AATF: variants seen among roughly 807,000 people sequenced by gnomAD.
The protein encoded by AATF is apoptosis antagonizing transcription factor.
Under a neutral mutation model 63.7 loss-of-function variants are expected in AATF, and 48 were observed. The observed-to-expected ratio is 0.75, with a 90% CI of 0.60 to 0.96. The LOEUF is 0.96. Among genes scored for constraint, AATF ranks in the 40% least tolerant of loss-of-function variants. The pLI is 0.00. For synonymous variants in AATF, 258 were observed against 247.7 expected (o/e 1.04, Z -0.39); for missense variants, 639 against 685.7 (o/e 0.93, Z 0.76).
At chr17:36,969,464 C>T (rs1305776774) in intron 4 of AATF, among the ~76,000 whole-genome samples, 1 of 152,170 alleles carries the variant, frequency 6.6e-6, no homozygotes, top group African/African-American at 2.4e-5. Context: ...ATTTTAACTG[C>T]TCCACTTGTT....
chr17:36,953,072 T>C lies in AATF; in HGVS notation c.470T>C (p.Phe157Ser), dbSNP rs1378241739. Residue 157 changes from phenylalanine to serine, a missense_variant, in exon 3 of 12, where the codon TTT becomes TCT. Transcript: ENST00000619387. ...PGFSVQSISDFEKFTKGMDDL... is the reference protein window; with the variant it reads ...PGFSVQSISDSEKFTKGMDDL... ...TTCAGTGTCCAGAGTATCAGTGACT[T>C]TGAGAAATTTACCAAGGGAATGGAT... 1.2e-6 allele frequency: 2 copies of C among 1,613,718 alleles called. No individual in the cohort carries two copies. The highest frequency in any genetic ancestry group is 2.7e-5 in the African/African-American group (2 of 74,770).
chr17:37,037,103 G>A (rs943059547), intron 11 of AATF, among the ~76,000 whole-genome samples: 15 of 151,566 alleles, frequency 9.9e-5, no homozygotes, highest in Non-Finnish European at 1.9e-4. Context: ...CCGCCTCCTG[G>A]GTTCAAGTGA....
chr17:37,056,806 C>G lies in AATF; in HGVS notation c.*142C>G. The G allele has an allele frequency of 1.2e-6, 1 of 848,428 alleles. No homozygotes were observed. Among genetic ancestry groups the G allele is most frequent in the Non-Finnish European group, 1.8e-6 (1 of 551,426 alleles). 52.6% of individuals were successfully genotyped at this position (848,428 alleles called of 1,614,324 possible). A position where few individuals can be genotyped will look rare whatever the true frequency, so the allele number is the denominator to read the frequency against. ...GCGTTCCGAACCTGTGCCTAATACA[C>G]GCAAGGGCGCTGTCCCGCCCAACCC... On this transcript the variant is annotated 3_prime_UTR_variant, in exon 12 of 12. Transcript: ENST00000619387.
intron 11 of AATF, chr17:37,034,988 G>T (rs2071579573): frequency 6.6e-6 from 1 of 151,580 alleles, no homozygotes; most frequent in Non-Finnish European, 1.5e-5. Context: ...AGCCGGGCGT[G>T]GTGGTGGGCG....
At chr17:36,991,442 C>T (rs1166080973) in intron 8 of AATF, among the ~76,000 whole-genome samples, 3 of 152,090 alleles carry the variant, frequency 2.0e-5, no homozygotes, top group African/African-American at 4.8e-5. Context: ...TTTCAGACTC[C>T]CCCACTTCTT....
rs753257388 is a variant in AATF, at chr17:37,019,044, G to A, written c.1438G>A (p.Asp480Asn). The A allele has an allele frequency of 3.7e-6, 6 of 1,614,106 alleles. No individual in the cohort carries two copies. In the South Asian group the frequency reaches 6.6e-5, roughly 18 times the overall value. Reference protein sequence around the residue: ...ELIERKTSSLDPNDQVAMGRQ... With the variant: ...ELIERKTSSLNPNDQVAMGRQ... ...CATAGAACGGAAGACCAGCTCCTTGGATCCCAACGATCAGGTGGCCATGGG... is the reference window on the plus strand; with the variant it reads ...CATAGAACGGAAGACCAGCTCCTTGAATCCCAACGATCAGGTGGCCATGGG... The change falls in exon 9 of 12, where the codon GAT (aspartate) becomes AAT (asparagine). Residue 480 changes from aspartate (D) to asparagine (N), a missense_variant. Coordinates refer to ENST00000619387, the MANE Select transcript of AATF (RefSeq NM_012138.4).
intron 8 of AATF, among the ~76,000 whole-genome samples, chr17:37,001,499 C>T (rs2071298197): frequency 6.8e-6 from 1 of 147,758 alleles, no homozygotes; most frequent in Non-Finnish European, 1.5e-5. Flanking sequence ...ACACCATGAC[C>T]AAGAAGGATT....
intron 8 of AATF, among the ~76,000 whole-genome samples, chr17:36,997,153 T>C (rs1195974699): frequency 6.6e-6 from 1 of 152,198 alleles, no homozygotes; most frequent in East Asian, 1.9e-4. Flanking sequence ...GTATAGAGTT[T>C]GGCACTCCTC....
chr17:37,024,977 G>T (rs1484734096), intron 10 of AATF, among the ~76,000 whole-genome samples: 1 of 152,026 alleles, frequency 6.6e-6, no homozygotes, highest in Non-Finnish European at 1.5e-5. Context: ...AAAGATAATT[G>T]TAGGAGATTT....
At position 36,986,723 on chromosome 17, in the gene AATF, T is replaced by C; in HGVS notation, c.939T>C (p.Asn313=). 6.2e-7 allele frequency: 1 copy of C among 1,613,088 alleles called. No homozygotes were observed. Among genetic ancestry groups the C allele is most frequent in the Non-Finnish European group, 8.5e-7 (1 of 1,179,022 alleles). The change falls in exon 5 of 12, where the codon AAT becomes AAC. Residue 313 remains asparagine (N), a synonymous_variant. Coordinates refer to ENST00000619387, the MANE Select transcript of AATF (RefSeq NM_012138.4). ...TRYLVDGTKP[N]AGSEEISSED... is the part of the protein sequence containing the mutation. ...ATCTAGTAGATGGGACAAAGCCCAA[T>C]GCGGGAAGGTAAGAGAACAGAATCA...
intron 9 of AATF, among the ~76,000 whole-genome samples, 177 bp from the exon 10 acceptor site, chr17:37,020,757 T>G (rs1054528283): frequency 1.3e-5 from 2 of 152,238 alleles, no homozygotes; most frequent in African/African-American, 4.8e-5. Flanking sequence ...GTTTGTTTTT[T>G]TACCATTGCA....
intron 4 of AATF, among the ~76,000 whole-genome samples, chr17:36,956,861 C>G (rs978913451): frequency 8.6e-5 from 13 of 152,002 alleles, no homozygotes; most frequent in Non-Finnish European, 1.9e-4. Context: ...CTTGTAGTCC[C>G]AGCTACTTGG....
intron 4 of AATF, among the ~76,000 whole-genome samples, chr17:36,983,393 A>G (rs1209806636): frequency 6.6e-6 from 1 of 151,472 alleles, no homozygotes; most frequent in Non-Finnish European, 1.5e-5. Flanking sequence ...TGTCGCCCAG[A>G]CTGGAGTGCA....
intron 9 of AATF, 47 bp from the exon 10 acceptor site, chr17:37,020,887 C>A (rs1345707124): frequency 6.9e-7 from 1 of 1,444,920 alleles, no homozygotes; most frequent in Non-Finnish European, 9.6e-7. Flanking sequence ...ATATGTATAA[C>A]TATTTCTGTT....
At chr17:36,950,911 T>C (rs1238891606) in intron 2 of AATF, among the ~76,000 whole-genome samples, 2 of 152,234 alleles carry the variant, frequency 1.3e-5, no homozygotes, top group Non-Finnish European at 2.9e-5. Flanking sequence ...GGTTATGAGC[T>C]GAAAAACCAC....
chr17:36,996,821 G>A (rs1567977601), intron 8 of AATF, among the ~76,000 whole-genome samples: 1 of 152,132 alleles, frequency 6.6e-6, no homozygotes, highest in Non-Finnish European at 1.5e-5. Flanking sequence ...GTCAAGGTAA[G>A]GTGCACATGA....
At chr17:37,049,023 T>C (rs530558588) in intron 11 of AATF, among the ~76,000 whole-genome samples, 3 of 152,256 alleles carry the variant, frequency 2.0e-5, no homozygotes, top group South Asian at 2.1e-4. Flanking sequence ...GACGATGCCA[T>C]TTATGCAATG....
intron 8 of AATF, among the ~76,000 whole-genome samples, chr17:37,015,077 T>C (rs2071419392): frequency 6.6e-6 from 1 of 152,204 alleles, no homozygotes; most frequent in Non-Finnish European, 1.5e-5. Context: ...TCTATTTGTT[T>C]GGTTTGTGCA....
At chr17:37,003,986 T>G (rs2071322279) in intron 8 of AATF, among the ~76,000 whole-genome samples, 1 of 151,984 alleles carries the variant, frequency 6.6e-6, no homozygotes, top group Non-Finnish European at 1.5e-5. Flanking sequence ...GTGCCTCTAC[T>G]CCCAGCTGCT....
Sources: allele counts gnomAD v4.1 joint callset (sites outside exome capture counted in the v4.1 genomes callset), GRCh38; gene constraint gnomAD v4.1.1; transcripts MANE v1.5; gene names NCBI Gene and HGNC (gene_info 2026-07-23, HGNC 2026-07-21).